ABHD4: variants seen among roughly 807,000 people sequenced by gnomAD.
The protein encoded by ABHD4 is (Lyso)-N-acylphosphatidylethanolamine lipase.
ABHD4 carries 35 observed loss-of-function variants against 42.3 expected under a neutral mutation model. The ratio of observed to expected loss-of-function variants is 0.83; its 90% CI spans 0.63 to 1.10. The LOEUF (loss-of-function observed/expected upper bound fraction) is 1.10, where lower values mean the gene tolerates loss of function less well. Ranked by LOEUF, ABHD4 falls within the 50% of genes least tolerant of loss-of-function variation. The probability of loss-of-function intolerance (pLI) is 0.00; values close to 1 mark genes in which losing one functional copy is unlikely to be tolerated. For missense variants in ABHD4, 389 were observed against 454.8 expected, an observed-to-expected ratio of 0.86 and a Z score of 1.32; for synonymous variants, 169 against 170.6, an observed-to-expected ratio of 0.99 and a Z score of 0.07.
rs757378023 is a variant in ABHD4, at chr14:22,609,774, G to A, written c.803G>A (p.Arg268His). 50 of 1,614,000 alleles carry A rather than the reference G, an allele frequency of 3.1e-5. No individual in the cohort carries two copies. The highest frequency in any genetic ancestry group is 3.3e-4 in the Middle Eastern group (2 of 6,074). The change falls in exon 6 of 7, where the codon CGC becomes CAC. Residue 268 changes from arginine (R) to histidine (H), a missense_variant. Transcript: ENST00000428304. ...ATGGAGTCCTTTGGCTGGGCCCGGC[G>A]CCCTATGCTGGAGCGAATTCACTTG... ...AMMESFGWARRPMLERIHLIR... is the reference protein window; with the variant it reads ...AMMESFGWARHPMLERIHLIR...
chr14:22,603,652 G>A lies in ABHD4; in HGVS notation c.375G>A (p.Val125=). 1 of 1,614,140 alleles carries A rather than the reference G, an allele frequency of 6.2e-7. No homozygotes were observed. The highest frequency in any genetic ancestry group is 8.5e-7 in the Non-Finnish European group (1 of 1,180,016). Residue 125 remains valine (V), a synonymous_variant, in exon 3 of 7, where the codon GTG becomes GTA. Coordinates refer to ENST00000428304, the MANE Select transcript of ABHD4 (RefSeq NM_022060.3). ...CGGAGGGGGCTGAGGATGAGTTTGT[G>A]ACATCGATAGAGACATGGCGGGAGA... ...RDPEGAEDEF[V]TSIETWRETM...
chr14:22,602,210 C>T (rs1329980661), intron 2 of ABHD4, among the ~76,000 whole-genome samples: 1 of 152,148 alleles, frequency 6.6e-6, no homozygotes, highest in East Asian at 1.9e-4. Flanking sequence ...CCCCACCTAT[C>T]TGGTTACCAC....
chr14:22,603,634 G>A lies in ABHD4; in HGVS notation c.357G>A (p.Gly119=). 1.2e-6 allele frequency: 2 copies of A among 1,614,108 alleles called. No homozygotes were observed. The highest frequency in any genetic ancestry group is 1.6e-4 in the Middle Eastern group (1 of 6,062). The change falls in exon 3 of 7, where the codon GGG becomes GGA. Residue 119 remains glycine, a synonymous_variant. Transcript: ENST00000428304. ...SRPAFPRDPE[G]AEDEFVTSIE... ...CAGCATTCCCAAGGGACCCGGAGGG[G>A]GCTGAGGATGAGTTTGTGACATCGA...
At chr14:22,598,875 TA>T in intron 1 of ABHD4, 1 of 182,650 alleles carries the variant, frequency 5.5e-6, no homozygotes, top group Non-Finnish European at 1.1e-5. Flanking sequence ...CATGTGATCC[TA>T]GTTGATAATG....
rs138603319 is a variant in ABHD4, at chr14:22,602,019, G to A, written c.112+264G>A. On this transcript the variant is annotated intron_variant, in intron 2 of 6. Transcript: ENST00000428304. ...TCACCTCAAACCCTATGCCAGTGCC[G>A]GCTAACACACACAAACACGTACATT... is the stretch of plus-strand genomic sequence containing the variant. Among the ~76,000 whole-genome samples the A allele has an allele frequency of 3.7e-3, 562 of 152,134 alleles. 1 individual carries two copies. Among genetic ancestry groups the A allele is most frequent in the African/African-American group, 0.013 (535 of 41,492 alleles).
intron 2 of ABHD4, among the ~76,000 whole-genome samples, chr14:22,602,402 C>T (rs1000403768): frequency 1.1e-4 from 16 of 152,182 alleles, no homozygotes; most frequent in Middle Eastern, 3.2e-3. Context: ...CTTCTGGGCC[C>T]GAGTAAGTGC....
chr14:22,605,723 T>C, intron 4 of ABHD4: 1 of 872,498 alleles, frequency 1.1e-6, no homozygotes, highest in Non-Finnish European at 1.6e-6. Context: ...GCCAGGCCCA[T>C]GCAGATCCTC....
chr14:22,606,985 T>A (rs943008101), intron 5 of ABHD4, among the ~76,000 whole-genome samples: 8 of 152,186 alleles, frequency 5.3e-5, no homozygotes, highest in Non-Finnish European at 8.8e-5. Context: ...TTATTTCCAG[T>A]CTAACATAGC....
At position 22,601,207 on chromosome 14, in the gene ABHD4, TA is replaced by T. The variant is rs2037281090; in HGVS notation, c.24-457del. Among the ~76,000 whole-genome samples the T allele has an allele frequency of 2.0e-5, 3 of 152,180 alleles. No individual in the cohort carries two copies. The South Asian group carries it at 6.2e-4, about 31-fold the overall frequency. On this transcript the variant is annotated intron_variant, in intron 1 of 6. Transcript: ENST00000428304. ...CTAGGGGCTTGGAAGAGGGCATACA[TA>T]AACACCAACCAGTGCCCTGCCAGTA...
At chr14:22,603,238 T>G in intron 2 of ABHD4, 152 bp from the exon 3 acceptor site, 1 of 985,298 alleles carries the variant, frequency 1.0e-6, no homozygotes, top group Non-Finnish European at 1.5e-6. Flanking sequence ...AGAGAGTTGT[T>G]TTCAGTGGTC....
chr14:22,606,392 G>T, intron 4 of ABHD4, 30 bp from the exon 5 acceptor site: 2 of 1,536,132 alleles, frequency 1.3e-6, no homozygotes, highest in African/African-American at 2.7e-5. Context: ...TCCCAAATTG[G>T]CCTGTCTGTG....
chr14:22,598,429 T>C, intron 1 of ABHD4, 100 bp downstream of exon 1: 1 of 1,474,320 alleles, frequency 6.8e-7, no homozygotes, highest in Non-Finnish European at 9.1e-7. Context: ...ACCTTCCCGC[T>C]CTTCCTTTTC....
intron 1 of ABHD4, among the ~76,000 whole-genome samples, chr14:22,599,469 A>G (rs142177633): frequency 1.3e-5 from 2 of 152,338 alleles, no homozygotes; most frequent in East Asian, 1.9e-4. Context: ...GGTTAAGTTC[A>G]TGGCTGAATG....
chr14:22,603,607 G>A lies in ABHD4; in HGVS notation c.330G>A (p.Arg110=). 6.2e-7 allele frequency: 1 copy of A among 1,614,178 alleles called. No individual in the cohort carries two copies. Among genetic ancestry groups the A allele is most frequent in the Non-Finnish European group, 8.5e-7 (1 of 1,180,042 alleles). ...TGCTTGGCTTCGGGCGAAGCTCAAG[G>A]CCAGCATTCCCAAGGGACCCGGAGG... ...FDLLGFGRSS[R]PAFPRDPEGA... is the part of the protein sequence containing the mutation. The change falls in exon 3 of 7, where the codon AGG becomes AGA. Residue 110 remains arginine (R), a synonymous_variant. Coordinates refer to ENST00000428304, the MANE Select transcript of ABHD4 (RefSeq NM_022060.3).
chr14:22,609,803 C>G lies in ABHD4; in HGVS notation c.832C>G (p.Arg278Gly), dbSNP rs371651543. The change falls in exon 6 of 7, where the codon CGA becomes GGA. Residue 278 changes from arginine (R) to glycine (G), a missense_variant. Transcript: ENST00000428304. ...TATGCTGGAGCGAATTCACTTGATT[C>G]GAAAAGATGTGCCTATCACTATGAT... ...RPMLERIHLIRKDVPITMIYG... is the reference protein window; with the variant it reads ...RPMLERIHLIGKDVPITMIYG... 1 of 1,613,964 alleles carries G rather than the reference C, an allele frequency of 6.2e-7. No individual in the cohort carries two copies. Among genetic ancestry groups the G allele is most frequent in the African/African-American group, 1.3e-5 (1 of 74,872 alleles).
At chr14:22,605,221 C>T (rs2037335666) in intron 4 of ABHD4, among the ~76,000 whole-genome samples, 1 of 152,222 alleles carries the variant, frequency 6.6e-6, no homozygotes, top group Admixed American at 6.5e-5. Flanking sequence ...TCTGACCTCA[C>T]ACTGCCAGCA....
chr14:22,612,639 GC>G lies in ABHD4; in HGVS notation c.*1694del, dbSNP rs1168829450. The G allele has an allele frequency of 2.0e-5, 3 of 152,266 alleles. No homozygotes were observed. Among genetic ancestry groups the G allele is most frequent in the African/African-American group, 7.2e-5 (3 of 41,442 alleles). The allele number at this position is 152,266 out of a possible 1,614,324, so 9.4% of individuals were successfully genotyped here. A position where few individuals can be genotyped will look rare whatever the true frequency, so the allele number is the denominator to read the frequency against. ...GAGGTGGAACTTAGTACTTCCTGCT[GC>G]CCATTAGACACCCTTTCTTCCTAAG... On this transcript the variant is annotated 3_prime_UTR_variant, in exon 7 of 7. Transcript: ENST00000428304.
chr14:22,600,666 G>A (rs1393418518), intron 1 of ABHD4, among the ~76,000 whole-genome samples: 3 of 152,142 alleles, frequency 2.0e-5, no homozygotes, highest in African/African-American at 7.2e-5. Context: ...AATATCATAT[G>A]GGGTTAACAA....
At chr14:22,605,719 C>T in intron 4 of ABHD4, 1 of 794,686 alleles carries the variant, frequency 1.3e-6, no homozygotes, top group African/African-American at 1.8e-5. Flanking sequence ...GAGGGCCAGG[C>T]CCATGCAGAT....
Sources: gnomAD v4.1 joint callset for allele counts (sites outside exome capture counted in the v4.1 genomes callset) on GRCh38, gnomAD v4.1.1 for gene constraint, MANE v1.5 for transcripts, NCBI Gene and HGNC (gene_info 2026-07-23, HGNC 2026-07-21) for gene names.